INTU: variants seen among roughly 807,000 people sequenced by gnomAD.
INTU encodes the protein inturned planar cell polarity protein, also known as protein inturned.
In INTU, 68 loss-of-function variants were observed where a neutral mutation model predicts 100.5. The observed-to-expected ratio is 0.68, with a 90% CI of 0.56 to 0.83. The LOEUF is 0.83. INTU is among the 40% of genes least tolerant of loss of function. The pLI is 0.00. For synonymous variants in INTU, 357 were observed against 395.7 expected (o/e 0.90, Z 1.16); for missense variants, 1,071 against 1,114.7 (o/e 0.96, Z 0.56).
At chr4:127,672,682 A>C (rs1352275480) in intron 5 of INTU, among the ~76,000 whole-genome samples, 1 of 152,070 alleles carries the variant, frequency 6.6e-6, no homozygotes, top group East Asian at 1.9e-4. Flanking sequence ...CACACTTTTT[A>C]AACTATAGTA....
In INTU at chr4:127,714,064, A is replaced by G; in HGVS notation, c.2688A>G (p.Ala896=). ...GAAACTGGACTGATCAGAAAAAAGC[A>G]CCACCAGTTATGGCTTACTGGGTAG... is the stretch of plus-strand genomic sequence containing the variant. ...SPGNWTDQKK[A]PPVMAYWVVG... is the part of the protein sequence containing the mutation. Residue 896 remains alanine (A), a synonymous_variant, in exon 15 of 16, where the codon GCA becomes GCG. Coordinates refer to ENST00000335251, the MANE Select transcript of INTU (RefSeq NM_015693.4). The G allele has an allele frequency of 6.2e-7, 1 of 1,613,560 alleles. No homozygotes were observed. Among genetic ancestry groups the G allele is most frequent in the Non-Finnish European group, 8.5e-7 (1 of 1,179,792 alleles).
At chr4:127,653,704 T>C (rs1403448234) in intron 2 of INTU, among the ~76,000 whole-genome samples, 1 of 150,048 alleles carries the variant, frequency 6.7e-6, no homozygotes, top group African/African-American at 2.5e-5. Flanking sequence ...TTCTGTTGAT[T>C]TGGGGTGGAG....
At position 127,687,984 on chromosome 4, in the gene INTU, G is replaced by C. The variant is rs1353907745; in HGVS notation, c.1449+117G>C. Reference sequence around the variant, plus strand: ...TGGAATTATGGTTAAAAATTAAAGAGGCAATTGGTTGACAAAGTAGGAGGT... The same window carrying C: ...TGGAATTATGGTTAAAAATTAAAGACGCAATTGGTTGACAAAGTAGGAGGT... On this transcript the variant is annotated intron_variant, in intron 8 of 15. Transcript: ENST00000335251. 4 of 675,922 alleles carry C rather than the reference G, an allele frequency of 5.9e-6. No individual in the cohort carries two copies. In the African/African-American group the frequency reaches 7.4e-5, roughly 12 times the overall value. The allele number at this position is 675,922 out of a possible 1,614,324, so 41.9% of individuals were successfully genotyped here.
intron 9 of INTU, among the ~76,000 whole-genome samples, chr4:127,700,265 G>T (rs1276097080): frequency 6.6e-6 from 1 of 151,826 alleles, no homozygotes; most frequent in African/African-American, 2.4e-5. Flanking sequence ...GTATATTATG[G>T]GATTAAAAAT....
chr4:127,677,328 G>A (rs1729264219), intron 6 of INTU, among the ~76,000 whole-genome samples: 2 of 151,730 alleles, frequency 1.3e-5, no homozygotes, highest in South Asian at 4.1e-4. Context: ...TGACCCCCGA[G>A]CAGCCTAACT....
rs571550818 is a variant in INTU, at chr4:127,678,884, T to C, written c.1181+4671T>C. Reference sequence around the variant, plus strand: ...CTCACGTGCAGAGACACACATAGGCTCAAAATAAAAGGATGGAGGAAGATC... The same window carrying C: ...CTCACGTGCAGAGACACACATAGGCCCAAAATAAAAGGATGGAGGAAGATC... On this transcript the variant is annotated intron_variant, in intron 6 of 15. Transcript: ENST00000335251. Among the ~76,000 whole-genome samples the C allele has an allele frequency of 2.6e-3, 388 of 150,854 alleles. 3 individuals carry two copies. Among genetic ancestry groups the C allele is most frequent in the African/African-American group, 8.9e-3 (364 of 41,080 alleles).
chr4:127,691,978 A>ATATATATATG (rs1560868017), intron 8 of INTU, among the ~76,000 whole-genome samples: 1 of 143,532 alleles, frequency 7.0e-6, no homozygotes. Flanking sequence ...ATATATATAT[A>ATATATATATG]TATGTCACAT....
Position 127,705,572 on chromosome 4 carries a change from C to T in INTU, c.1567-19C>T. Reference sequence around the variant, plus strand: ...TTTATATCACTGGTAGACTTTTGCTCTTTGTGGTTAAATTCAAGGGTTATT... The same window carrying T: ...TTTATATCACTGGTAGACTTTTGCTTTTTGTGGTTAAATTCAAGGGTTATT... On this transcript the variant is annotated intron_variant, in intron 10 of 15. Coordinates refer to ENST00000335251, the MANE Select transcript of INTU (RefSeq NM_015693.4). 1 of 1,589,616 alleles carries T rather than the reference C, an allele frequency of 6.3e-7. No homozygotes were observed. The highest frequency in any genetic ancestry group is 8.6e-7 in the Non-Finnish European group (1 of 1,158,192).
Position 127,686,438 on chromosome 4 carries a change from T to A in INTU, c.1260-1240T>A, listed in dbSNP as rs567553966. On this transcript the variant is annotated intron_variant, in intron 7 of 15. Coordinates refer to ENST00000335251, the MANE Select transcript of INTU (RefSeq NM_015693.4). The stretch of plus-strand genomic sequence containing the variant: ...CTAATTTTCATATAGCAGCGTGATC[T>A]TTCTACATTATTATCTGGTTCCTAC... 14 of 152,440 alleles carry A rather than the reference T, an allele frequency of 9.2e-5. No individual in the cohort carries two copies. In the East Asian group the frequency reaches 2.7e-3, roughly 29 times the overall value. The allele number at this position is 152,440 out of a possible 1,614,324, so 9.4% of individuals were successfully genotyped here. A position where few individuals can be genotyped will look rare whatever the true frequency, so the allele number is the denominator to read the frequency against.
At chr4:127,633,544 G>A (rs1181041444) in intron 1 of INTU, among the ~76,000 whole-genome samples, 1 of 152,108 alleles carries the variant, frequency 6.6e-6, no homozygotes, top group Non-Finnish European at 1.5e-5. Context: ...TGTGACCTTT[G>A]TGGCTTAATC....
chr4:127,657,032 A>G (rs1017013856), intron 3 of INTU, among the ~76,000 whole-genome samples: 1 of 151,186 alleles, frequency 6.6e-6, no homozygotes, highest in South Asian at 2.1e-4. Context: ...TCTGGTTCCT[A>G]GAAGAGTCAT....
Position 127,663,512 on chromosome 4 carries a change from G to C in INTU, c.900G>C (p.Gln300His). The part of the protein sequence containing the change: ...LWGEEVEGIQ[Q>H]SGLNTPHIIM... ...GAGAAGAGGTTGAAGGTATCCAGCAGAGTGGCCTAAACACTCCTCATATCA... is the reference window on the plus strand; with the variant it reads ...GAGAAGAGGTTGAAGGTATCCAGCACAGTGGCCTAAACACTCCTCATATCA... Residue 300 changes from glutamine to histidine, a missense_variant, in exon 4 of 16, where the codon CAG becomes CAC. Coordinates refer to ENST00000335251, the MANE Select transcript of INTU (RefSeq NM_015693.4). The C allele has an allele frequency of 6.2e-7, 1 of 1,613,570 alleles. No homozygotes were observed. The highest frequency in any genetic ancestry group is 8.5e-7 in the Non-Finnish European group (1 of 1,179,618).
At chr4:127,689,743 G>A (rs1350654709) in intron 8 of INTU, among the ~76,000 whole-genome samples, 6 of 151,982 alleles carry the variant, frequency 3.9e-5, no homozygotes, top group African/African-American at 9.7e-5. Context: ...AAGGGGAAAG[G>A]AAAGGGGGAG....
chr4:127,645,915 G>T (rs1402998463), intron 2 of INTU, among the ~76,000 whole-genome samples: 1 of 151,924 alleles, frequency 6.6e-6, no homozygotes, highest in African/African-American at 2.4e-5. Context: ...TGGCGTGGTG[G>T]CTAACACTTG....
intron 8 of INTU, among the ~76,000 whole-genome samples, chr4:127,697,833 G>C (rs1488885108): frequency 6.6e-6 from 1 of 152,066 alleles, no homozygotes; most frequent in Non-Finnish European, 1.5e-5. Flanking sequence ...AAGAAATCTA[G>C]TTAAAGGCCA....
intron 1 of INTU, 49 bp downstream of exon 1, chr4:127,633,229 A>G (rs923567883): frequency 1.9e-6 from 3 of 1,579,450 alleles, no homozygotes; most frequent in African/African-American, 2.7e-5. Flanking sequence ...CAATCCAGAG[A>G]ATATACACGT....
chr4:127,683,311 T>C (rs1258448644), intron 6 of INTU, among the ~76,000 whole-genome samples: 1 of 152,194 alleles, frequency 6.6e-6, no homozygotes, highest in East Asian at 1.9e-4. Flanking sequence ...ACCCTTCTCT[T>C]AAATGCTCAC....
chr4:127,640,413 C>T (rs1478921846), intron 1 of INTU, among the ~76,000 whole-genome samples: 1 of 151,158 alleles, frequency 6.6e-6, no homozygotes, highest in Non-Finnish European at 1.5e-5. Flanking sequence ...CTTTTAGTTT[C>T]TTCCTCTTTT....
rs769370849 is a variant in INTU, at chr4:127,643,540, C to T, written c.166C>T (p.Leu56=). The change falls in exon 2 of 16, where the codon CTG becomes TTG. Residue 56 remains leucine, a synonymous_variant. Transcript: ENST00000335251. ...TCATAGTGATCTTGAGCCTGAATGGCTGGACAGTGTGCAGAAAAATGGAGA... is the reference window on the plus strand; with the variant it reads ...TCATAGTGATCTTGAGCCTGAATGGTTGGACAGTGTGCAGAAAAATGGAGA... ...SDYDDLEPEW[L]DSVQKNGELF... is the part of the protein sequence containing the mutation. The T allele has an allele frequency of 2.0e-5, 32 of 1,600,472 alleles. No individual in the cohort carries two copies. Among genetic ancestry groups the T allele is most frequent in the Non-Finnish European group, 2.7e-5 (32 of 1,176,196 alleles).
Sources: gnomAD v4.1 joint callset for allele counts (sites outside exome capture counted in the v4.1 genomes callset) on GRCh38, gnomAD v4.1.1 for gene constraint, MANE v1.5 for transcripts, NCBI Gene and HGNC (gene_info 2026-07-23, HGNC 2026-07-21) for gene names.